Variants in CLASP2 observed in about 807,000 individuals in gnomAD.
CLASP2 encodes CLIP-associating protein 2.
Under a neutral mutation model 194.4 loss-of-function variants are expected in CLASP2, and 47 were observed. That is an observed-to-expected ratio of 0.24 (90% confidence interval 0.19 to 0.31). The LOEUF (loss-of-function observed/expected upper bound fraction) is 0.31, where lower values mean the gene tolerates loss of function less well. CLASP2 is among the 10% of genes least tolerant of loss of function. The probability of loss-of-function intolerance (pLI) is 1.00; values close to 1 mark genes in which losing one functional copy is unlikely to be tolerated. For synonymous variants in CLASP2, 619 were observed against 633.5 expected, an observed-to-expected ratio of 0.98 and a Z score of 0.34; for missense variants, 1,445 against 1,823.6, an observed-to-expected ratio of 0.79 and a Z score of 3.78.
chr3:33,519,192 CA>C (rs1456156810), intron 34 of CLASP2, among the ~76,000 whole-genome samples: 1 of 152,122 alleles, frequency 6.6e-6, no homozygotes, highest in Non-Finnish European at 1.5e-5. Flanking sequence ...TCAAGAAGTA[CA>C]AAATAGTCTT....
At chr3:33,507,444 G>C (rs988315746) in intron 37 of CLASP2, among the ~76,000 whole-genome samples, 1 of 152,156 alleles carries the variant, frequency 6.6e-6, no homozygotes, top group African/African-American at 2.4e-5. Flanking sequence ...CTGAAGACTG[G>C]ATTAGATTTA....
intron 1 of CLASP2, among the ~76,000 whole-genome samples, chr3:33,712,861 C>T (rs141227472): frequency 0.075 from 11,379 of 151,814 alleles, 539 homozygotes; most frequent in Middle Eastern, 0.17. Context: ...ACTCAGGAGG[C>T]TGAGGCAGAG....
intron 2 of CLASP2, among the ~76,000 whole-genome samples, chr3:33,693,409 C>T (rs1337143093): frequency 6.6e-6 from 1 of 152,044 alleles, no homozygotes; most frequent in African/African-American, 2.4e-5. Context: ...AAAAACCTTC[C>T]AGACATAATT....
intron 9 of CLASP2, among the ~76,000 whole-genome samples, 194 bp downstream of exon 9, chr3:33,632,098 T>C (rs1433876615): frequency 6.6e-6 from 1 of 152,210 alleles, no homozygotes; most frequent in Non-Finnish European, 1.5e-5. Context: ...TGATTCAATT[T>C]TATTTCAGCC....
intron 18 of CLASP2, among the ~76,000 whole-genome samples, chr3:33,597,694 T>C (rs1419426964): frequency 3.3e-5 from 5 of 152,000 alleles, no homozygotes. Flanking sequence ...AGTCTTAAGC[T>C]AGCTTCCTTG....
At chr3:33,511,373 T>G (rs1162544511) in intron 36 of CLASP2, among the ~76,000 whole-genome samples, 1 of 152,100 alleles carries the variant, frequency 6.6e-6, no homozygotes, top group Non-Finnish European at 1.5e-5. Context: ...TGTGGTCTAG[T>G]TGTGTTAGTG....
intron 29 of CLASP2, among the ~76,000 whole-genome samples, chr3:33,557,126 A>G (rs1160418479): frequency 6.6e-6 from 1 of 151,848 alleles, no homozygotes; most frequent in Non-Finnish European, 1.5e-5. Context: ...GGTGCCCAAC[A>G]TCACCCCTGG....
intron 5 of CLASP2, among the ~76,000 whole-genome samples, chr3:33,686,289 C>T (rs1454451974): frequency 6.6e-6 from 1 of 152,136 alleles, no homozygotes; most frequent in Non-Finnish European, 1.5e-5. Context: ...ATAGTATAGA[C>T]CAGGGATCCC....
intron 38 of CLASP2, among the ~76,000 whole-genome samples, chr3:33,500,537 T>C (rs559152320): frequency 6.6e-6 from 1 of 152,276 alleles, no homozygotes; most frequent in South Asian, 2.1e-4. Context: ...TGAAACGACA[T>C]GTAATTGTTT....
At chr3:33,549,060 G>A (rs1283536202) in intron 30 of CLASP2, among the ~76,000 whole-genome samples, 1 of 145,096 alleles carries the variant, frequency 6.9e-6, no homozygotes, top group Non-Finnish European at 1.5e-5. Flanking sequence ...CCCAGGTGTT[G>A]GGATTACAGG....
intron 32 of CLASP2, among the ~76,000 whole-genome samples, chr3:33,540,232 A>ATTTT (rs11398038): frequency 3.3e-5 from 4 of 122,102 alleles, no homozygotes; most frequent in Admixed American, 9.0e-5. Context: ...GACTGGCCAA[A>ATTTT]TTTTTTTTTT....
intron 6 of CLASP2, among the ~76,000 whole-genome samples, chr3:33,669,884 T>C (rs1204803453): frequency 2.0e-5 from 3 of 152,110 alleles, no homozygotes; most frequent in African/African-American, 7.2e-5. Context: ...TCCAAAAGAA[T>C]GAATTAGTAT....
At chr3:33,702,271 G>C (rs906814801) in intron 1 of CLASP2, among the ~76,000 whole-genome samples, 8 of 152,068 alleles carry the variant, frequency 5.3e-5, no homozygotes, top group African/African-American at 1.7e-4. Context: ...TGTGACAATG[G>C]CACAAGAAGA....
chr3:33,505,574 GA>G, intron 37 of CLASP2: 1 of 152,196 alleles, frequency 6.6e-6, no homozygotes, highest in African/African-American at 2.4e-5. Flanking sequence ...AAAATGAATA[GA>G]ATCATGCTAC....
intron 1 of CLASP2, among the ~76,000 whole-genome samples, chr3:33,711,630 G>A (rs147134411): frequency 2.0e-5 from 3 of 151,674 alleles, no homozygotes; most frequent in East Asian, 1.9e-4. Flanking sequence ...AAGAATGAAT[G>A]TAAGGACTAA....
chr3:33,531,736 T>C (rs1015997345), intron 34 of CLASP2, among the ~76,000 whole-genome samples: 16 of 152,158 alleles, frequency 1.1e-4, no homozygotes, highest in Admixed American at 3.3e-4. Context: ...GATCGCGCCA[T>C]TGCACTCCAG....
chr3:33,523,582 G>A (rs746179586), intron 34 of CLASP2, among the ~76,000 whole-genome samples: 42 of 152,154 alleles, frequency 2.8e-4, no homozygotes, highest in African/African-American at 9.9e-4. Context: ...CTTCAAAAGC[G>A]AGGGAGAAAT....
chr3:33,570,446 AAC>A (rs1195159434), intron 26 of CLASP2, among the ~76,000 whole-genome samples: 2 of 152,220 alleles, frequency 1.3e-5, no homozygotes, highest in African/African-American at 4.8e-5. Context: ...CAAACACTAA[AAC>A]AGTCTTAGTA....
intron 26 of CLASP2, among the ~76,000 whole-genome samples, chr3:33,567,555 A>T (rs2062969605): frequency 6.6e-6 from 1 of 152,198 alleles, no homozygotes; most frequent in Non-Finnish European, 1.5e-5. Context: ...TTGAGGGGCA[A>T]AAAATGGGTC....
Sources: gnomAD v4.1 joint callset for allele counts (sites outside exome capture counted in the v4.1 genomes callset) on GRCh38, gnomAD v4.1.1 for gene constraint, MANE v1.5 for transcripts, NCBI Gene and HGNC (gene_info 2026-07-23, HGNC 2026-07-21) for gene names.